Variants in CAMK1D observed in about 807,000 individuals in gnomAD.
CAMK1D encodes the protein calcium/calmodulin-dependent protein kinase type 1D.
CAMK1D carries 9 observed loss-of-function variants against 47.7 expected under a neutral mutation model. That is an observed-to-expected ratio of 0.19 (90% CI 0.11 to 0.33). The LOEUF is 0.33. Among genes scored for constraint, CAMK1D ranks in the 10% least tolerant of loss-of-function variants. CAMK1D has a pLI of 1.00. For missense variants in CAMK1D, 291 were observed against 488.7 expected, an observed-to-expected ratio of 0.60 and a Z score of 3.81; for synonymous variants, 184 against 184.9, an observed-to-expected ratio of 0.99 and a Z score of 0.04.
At chr10:12,439,746 T>C (rs969186658) in intron 1 of CAMK1D, among the ~76,000 whole-genome samples, 2 of 152,018 alleles carry the variant, frequency 1.3e-5, no homozygotes, top group Non-Finnish European at 2.9e-5. Context: ...TGGCCTAGAG[T>C]TTTCATATTA....
intron 2 of CAMK1D, among the ~76,000 whole-genome samples, chr10:12,603,844 G>A (rs969812848): frequency 6.6e-6 from 1 of 152,112 alleles, no homozygotes. Context: ...CCCATCTCCA[G>A]CCCTGGAACA....
chr10:12,588,862 ATATATGTG>A (rs1419073310), intron 2 of CAMK1D, among the ~76,000 whole-genome samples: 1 of 81,542 alleles, frequency 1.2e-5, no homozygotes. Context: ...ATGTATATGT[ATATATGTG>A]TGTGTGTGTG....
intron 1 of CAMK1D, among the ~76,000 whole-genome samples, chr10:12,463,929 CT>C (rs1442884950): frequency 6.6e-6 from 1 of 152,076 alleles, no homozygotes; most frequent in Non-Finnish European, 1.5e-5. Flanking sequence ...TTCCTGCCGC[CT>C]TGTGAAGAAG....
chr10:12,628,011 G>C (rs1038631665), intron 2 of CAMK1D, among the ~76,000 whole-genome samples: 4 of 151,626 alleles, frequency 2.6e-5, no homozygotes, highest in Non-Finnish European at 5.9e-5. Flanking sequence ...AACCTGGAAG[G>C]CAGAGGTTGC....
At chr10:12,526,897 C>CAAAAAA (rs202209844) in intron 1 of CAMK1D, among the ~76,000 whole-genome samples, 35,280 of 128,980 alleles carry the variant, frequency 0.27, 5,305 homozygotes, top group East Asian at 0.34. Flanking sequence ...AACCCTATCT[C>CAAAAAA]AAAAAAAAAA....
In CAMK1D at chr10:12,440,531, G is replaced by T. The variant is rs370263701; in HGVS notation, c.92+90621G>T. On this transcript the variant is annotated intron_variant, in intron 1 of 10. Coordinates refer to ENST00000619168, the MANE Select transcript of CAMK1D (RefSeq NM_153498.4). The stretch of plus-strand genomic sequence containing the variant: ...TTGAACTCCTGACCTCAGGTGATCC[G>T]CCCACCTCGGCCTCCCAAAGTGCTG... Among the ~76,000 whole-genome samples the T allele has an allele frequency of 9.9e-5, 15 of 152,160 alleles. No homozygotes were observed. The South Asian group carries it at 2.7e-3, about 27-fold the overall frequency.
chr10:12,801,525 TTATC>T (rs1418204877), intron 6 of CAMK1D, among the ~76,000 whole-genome samples: 3 of 151,536 alleles, frequency 2.0e-5, no homozygotes, highest in South Asian at 2.1e-4. Context: ...TTCTATTTGT[TTATC>T]CATTCATCCT....
intron 1 of CAMK1D, among the ~76,000 whole-genome samples, chr10:12,442,112 G>A (rs1228805280): frequency 6.6e-6 from 1 of 152,150 alleles, no homozygotes; most frequent in Non-Finnish European, 1.5e-5. Context: ...GAATTCAAAT[G>A]GACCAAAACT....
intron 8 of CAMK1D, 46 bp from the exon 9 acceptor site, chr10:12,824,419 G>C: frequency 6.5e-7 from 1 of 1,528,824 alleles, no homozygotes; most frequent in Non-Finnish European, 9.1e-7. Context: ...GCAGTGTCAG[G>C]GCCCAGAAGA....
intron 2 of CAMK1D, among the ~76,000 whole-genome samples, chr10:12,580,338 C>CCT (rs1405976326): frequency 7.9e-4 from 95 of 120,672 alleles, no homozygotes; most frequent in African/African-American, 2.9e-3. Context: ...CCCTTCCTTC[C>CCT]TTTTTTTTTT....
chr10:12,741,704 C>T (rs1444333693), intron 3 of CAMK1D, among the ~76,000 whole-genome samples: 4 of 152,088 alleles, frequency 2.6e-5, no homozygotes, highest in Non-Finnish European at 4.4e-5. Context: ...TGGTTTTCTT[C>T]GGAGAGTCCC....
rs779760055 is a variant in CAMK1D, at chr10:12,461,428, C to T, written c.93-91797C>T. Among the ~76,000 whole-genome samples the T allele has an allele frequency of 5.2e-4, 79 of 152,100 alleles. 4 individuals are homozygous for T. Among genetic ancestry groups the T allele is most frequent in the East Asian group, 1.9e-4 (1 of 5,194 alleles). On this transcript the variant is annotated intron_variant, in intron 1 of 10. Coordinates refer to ENST00000619168, the MANE Select transcript of CAMK1D (RefSeq NM_153498.4). ...GCTTTTGGCCGGGCGCAGTGGCTCACGCCTGTAATCCCAGCACCTTGGGAA... is the reference window on the plus strand; with the variant it reads ...GCTTTTGGCCGGGCGCAGTGGCTCATGCCTGTAATCCCAGCACCTTGGGAA...
chr10:12,788,072 A>G (rs945404832), intron 5 of CAMK1D, among the ~76,000 whole-genome samples: 5 of 152,230 alleles, frequency 3.3e-5, no homozygotes, highest in African/African-American at 9.6e-5. Context: ...TTCTTGACAC[A>G]AATATGTAAA....
chr10:12,520,883 C>T (rs1480860468), intron 1 of CAMK1D, among the ~76,000 whole-genome samples: 5 of 28,718 alleles, frequency 1.7e-4, no homozygotes, highest in African/African-American at 4.9e-4. Flanking sequence ...GCAGCAGTAC[C>T]GTCCAGCTTT....
intron 1 of CAMK1D, among the ~76,000 whole-genome samples, chr10:12,421,077 G>A (rs1840033190): frequency 6.6e-6 from 1 of 152,140 alleles, no homozygotes; most frequent in African/African-American, 2.4e-5. Flanking sequence ...TTTAGGAGAC[G>A]GGACAGGCTG....
chr10:12,484,545 C>CAGGG (rs1834155728), intron 1 of CAMK1D, among the ~76,000 whole-genome samples: 1 of 152,186 alleles, frequency 6.6e-6, no homozygotes, highest in Non-Finnish European at 1.5e-5. Context: ...CCAGCCAAGT[C>CAGGG]AGGGAGCCAC....
At chr10:12,716,539 T>C (rs1834143889) in intron 3 of CAMK1D, among the ~76,000 whole-genome samples, 1 of 152,132 alleles carries the variant, frequency 6.6e-6, no homozygotes, top group Non-Finnish European at 1.5e-5. Context: ...AAAATGCATT[T>C]GGTTCATAGC....
intron 3 of CAMK1D, among the ~76,000 whole-genome samples, chr10:12,739,664 T>A (rs1835344124): frequency 6.6e-6 from 1 of 152,124 alleles, no homozygotes; most frequent in South Asian, 2.1e-4. Flanking sequence ...TAATTCTGGG[T>A]GCCCTTTGGT....
At chr10:12,400,961 A>G (rs1839156051) in intron 1 of CAMK1D, among the ~76,000 whole-genome samples, 1 of 144,660 alleles carries the variant, frequency 6.9e-6, no homozygotes, top group South Asian at 2.1e-4. Flanking sequence ...CTACAAAACC[A>G]GAAAAACAAA....
Sources: allele counts gnomAD v4.1 joint callset (sites outside exome capture counted in the v4.1 genomes callset), GRCh38; gene constraint gnomAD v4.1.1; transcripts MANE v1.5; gene names NCBI Gene and HGNC (gene_info 2026-07-23, HGNC 2026-07-21).